The following NFATC2 variants were observed in gnomAD, a reference collection of about 807,000 sequenced individuals.
The protein encoded by NFATC2 is nuclear factor of activated T-cells, cytoplasmic 2.
NFATC2 carries 22 observed loss-of-function variants against 87.3 expected under a neutral mutation model. The observed-to-expected ratio is 0.25, with a 90% CI of 0.18 to 0.36. The LOEUF (loss-of-function observed/expected upper bound fraction) is 0.36, where lower values mean the gene tolerates loss of function less well. Ranked by LOEUF, NFATC2 falls within the 10% of genes least tolerant of loss-of-function variation. NFATC2 has a pLI of 1.00. For synonymous variants in NFATC2, 565 were observed against 542.2 expected (o/e 1.04, Z -0.58); for missense variants, 1,149 against 1,259.1 (o/e 0.91, Z 1.32).
At chr20:51,402,029 G>A (rs1011014217) in intron 9 of NFATC2, among the ~76,000 whole-genome samples, 1 of 152,190 alleles carries the variant, frequency 6.6e-6, no homozygotes, top group Non-Finnish European at 1.5e-5. Flanking sequence ...TCAGGCACTG[G>A]TCTAAGGGAC....
At chr20:51,547,024 A>C (rs1312334911), upstream of NFATC2, among the ~76,000 whole-genome samples, 1 of 152,166 alleles carries the variant, frequency 6.6e-6, no homozygotes, top group Admixed American at 6.5e-5. Flanking sequence ...CTGGGAGGTA[A>C]GTGGGGCCCA....
At chr20:51,517,005 C>A in intron 2 of NFATC2, 50 bp from the exon 3 acceptor site, 1 of 1,538,788 alleles carries the variant, frequency 6.5e-7, no homozygotes, top group South Asian at 1.2e-5. Context: ...CAAAATTAGT[C>A]AACTTGTACA....
At chr20:51,485,636 A>G (rs1006658751) in intron 3 of NFATC2, among the ~76,000 whole-genome samples, 2 of 151,974 alleles carry the variant, frequency 1.3e-5, no homozygotes, top group Admixed American at 1.3e-4. Context: ...TGAGCCCTGG[A>G]GTCCAACCAT....
At chr20:51,428,887 A>G (rs1411709807) in intron 9 of NFATC2, among the ~76,000 whole-genome samples, 1 of 152,252 alleles carries the variant, frequency 6.6e-6, no homozygotes, top group Non-Finnish European at 1.5e-5. Flanking sequence ...CACAGGCAGC[A>G]CAGCACGCTG....
chr20:51,429,465 C>A (rs1008010950), intron 9 of NFATC2, among the ~76,000 whole-genome samples: 3 of 152,246 alleles, frequency 2.0e-5, no homozygotes, highest in Non-Finnish European at 4.4e-5. Flanking sequence ...GACTATGGCA[C>A]AGGGGACAGG....
chr20:51,507,113 C>T (rs1258900093), intron 3 of NFATC2, among the ~76,000 whole-genome samples: 1 of 152,202 alleles, frequency 6.6e-6, no homozygotes, highest in Non-Finnish European at 1.5e-5. Flanking sequence ...GATGCTGCTG[C>T]CAGCAGGTGG....
intron 3 of NFATC2, among the ~76,000 whole-genome samples, chr20:51,492,025 C>A (rs1005086861): frequency 3.9e-5 from 6 of 152,030 alleles, no homozygotes; most frequent in African/African-American, 1.4e-4. Context: ...CCATGAACAC[C>A]CCTTGTTCAC....
chr20:51,498,733 G>A (rs2076030642), intron 3 of NFATC2, among the ~76,000 whole-genome samples: 1 of 152,248 alleles, frequency 6.6e-6, no homozygotes, highest in African/African-American at 2.4e-5. Flanking sequence ...CTTGCAGTGA[G>A]CCAAGATTGA....
At chr20:51,545,219 C>A (rs756506151), upstream of NFATC2, among the ~76,000 whole-genome samples, 1 of 152,210 alleles carries the variant, frequency 6.6e-6, no homozygotes, top group Non-Finnish European at 1.5e-5. Context: ...CCTTTCTCGT[C>A]CCTCCATCCC....
chr20:51,441,099 G>A (rs228828), intron 6 of NFATC2, among the ~76,000 whole-genome samples: 131,302 of 151,972 alleles, frequency 0.86, 56,864 homozygotes, highest in East Asian at 0.96. Flanking sequence ...CCTGGCCAAC[G>A]TGGCGAAACC....
chr20:51,454,874 T>C (rs538644280), intron 5 of NFATC2, among the ~76,000 whole-genome samples, 186 bp from the exon 6 acceptor site: 4 of 152,352 alleles, frequency 2.6e-5, no homozygotes, highest in Admixed American at 2.6e-4. Flanking sequence ...GTGAAAGTGC[T>C]CTAAGTCATT....
chr20:51,424,984 G>A lies in NFATC2; in HGVS notation c.2722+7083C>T, dbSNP rs962039131. Among the ~76,000 whole-genome samples, 9 of 152,220 alleles carry A rather than the reference G, an allele frequency of 5.9e-5. No individual in the cohort carries two copies. In the South Asian group the frequency reaches 1.5e-3, roughly 25 times the overall value. The stretch of plus-strand genomic sequence containing the variant: ...ACAATGCTTTGTGGCCCTGCAAAGG[G>A]CTATGGTACATGAACAGACACATTG... On this transcript the variant is annotated intron_variant, in intron 9 of 10. Coordinates refer to ENST00000371564, the MANE Select transcript of NFATC2 (RefSeq NM_012340.5).
At chr20:51,493,528 G>T (rs920468554) in intron 3 of NFATC2, among the ~76,000 whole-genome samples, 1 of 152,170 alleles carries the variant, frequency 6.6e-6, no homozygotes, top group Non-Finnish European at 1.5e-5. Flanking sequence ...TACGATAAAA[G>T]AAAGCCTCTC....
At chr20:51,492,984 C>T (rs1452690063) in intron 3 of NFATC2, among the ~76,000 whole-genome samples, 5 of 152,326 alleles carry the variant, frequency 3.3e-5, no homozygotes, top group East Asian at 1.9e-4. Flanking sequence ...CAGGAGGATG[C>T]GATCGTGTGC....
chr20:51,497,748 G>C (rs1186983173), intron 3 of NFATC2, among the ~76,000 whole-genome samples: 1 of 152,112 alleles, frequency 6.6e-6, no homozygotes, highest in African/African-American at 2.4e-5. Context: ...AGAAGATGGG[G>C]TGAGATCTGA....
chr20:51,443,152 G>A (rs999783314), intron 6 of NFATC2, among the ~76,000 whole-genome samples: 12 of 138,388 alleles, frequency 8.7e-5, no homozygotes, highest in Non-Finnish European at 1.7e-4. Flanking sequence ...CATCCTTCAG[G>A]TGCAGCTCAG....
intron 10 of NFATC2, 101 bp downstream of exon 10, chr20:51,398,542 A>T: frequency 1.4e-6 from 1 of 725,358 alleles, no homozygotes; most frequent in Non-Finnish European, 2.2e-6. Flanking sequence ...GAGGGCCTTC[A>T]GCCTGTCAAG....
intron 1 of NFATC2, among the ~76,000 whole-genome samples, chr20:51,559,977 T>C (rs921478521): frequency 2.0e-5 from 3 of 152,356 alleles, no homozygotes; most frequent in African/African-American, 7.2e-5. Flanking sequence ...CTTAACCCTA[T>C]CTGTGTCATT....
chr20:51,444,045 G>A (rs372814036), intron 6 of NFATC2, among the ~76,000 whole-genome samples: 5 of 152,196 alleles, frequency 3.3e-5, no homozygotes, highest in East Asian at 1.9e-4. Flanking sequence ...TCCATGGCGC[G>A]ATCTCAGCTC....
Sources: gnomAD v4.1 joint callset for allele counts (sites outside exome capture counted in the v4.1 genomes callset) on GRCh38, gnomAD v4.1.1 for gene constraint, MANE v1.5 for transcripts, NCBI Gene and HGNC (gene_info 2026-07-23, HGNC 2026-07-21) for gene names.